Variants in TRIM24 observed in about 807,000 individuals in gnomAD.
The protein encoded by TRIM24 is transcription intermediary factor 1-alpha.
In TRIM24, 29 loss-of-function variants were observed where a neutral mutation model predicts 123.9. The observed-to-expected ratio is 0.23, with a 90% CI of 0.17 to 0.32. The LOEUF is 0.32. Ranked by LOEUF, TRIM24 falls within the 10% of genes least tolerant of loss-of-function variation. The probability of loss-of-function intolerance (pLI) is 1.00; values close to 1 mark genes in which losing one functional copy is unlikely to be tolerated. For synonymous variants in TRIM24, 456 were observed against 461.1 expected, an observed-to-expected ratio of 0.99 and a Z score of 0.14; for missense variants, 932 against 1,295.3, an observed-to-expected ratio of 0.72 and a Z score of 4.31.
chr7:138,487,831 G>A (rs1334820123), intron 1 of TRIM24, among the ~76,000 whole-genome samples: 2 of 151,692 alleles, frequency 1.3e-5, no homozygotes, highest in Non-Finnish European at 1.5e-5. Context: ...CTCTGCCAGG[G>A]TTGGCAGATT....
chr7:138,508,709 G>GTGTGTGTGC (rs1491352638), intron 2 of TRIM24, among the ~76,000 whole-genome samples: 38 of 18,012 alleles, frequency 2.1e-3, no homozygotes, highest in African/African-American at 5.8e-3. Flanking sequence ...GCGTGTGTGC[G>GTGTGTGTGC]TGTGTGTGTG....
In TRIM24 at chr7:138,518,855, C is replaced by T. The variant is rs567735530; in HGVS notation, c.632-334C>T. Reference sequence around the variant, plus strand: ...CTCCTCCCATATTTGGGATAGAAGACATCCAGGTGGTTCATACTCATTTAC... The same window carrying T: ...CTCCTCCCATATTTGGGATAGAAGATATCCAGGTGGTTCATACTCATTTAC... On this transcript the variant is annotated intron_variant, in intron 3 of 18. Transcript: ENST00000343526. Among the ~76,000 whole-genome samples the T allele has an allele frequency of 2.0e-5, 3 of 152,316 alleles. No individual in the cohort carries two copies. In the South Asian group the frequency reaches 6.2e-4, roughly 32 times the overall value.
intron 4 of TRIM24, among the ~76,000 whole-genome samples, chr7:138,520,972 G>C (rs779189646): frequency 4.6e-5 from 7 of 152,188 alleles, no homozygotes; most frequent in African/African-American, 1.7e-4. Flanking sequence ...AGAAGCTGAC[G>C]AAAGGCATTC....
chr7:138,488,166 A>G (rs1795690229), intron 1 of TRIM24, among the ~76,000 whole-genome samples: 1 of 151,612 alleles, frequency 6.6e-6, no homozygotes, highest in African/African-American at 2.4e-5. Context: ...GGTAGTTTGT[A>G]TTTCTGTGGG....
chr7:138,522,352 A>C (rs1796521867), intron 4 of TRIM24, among the ~76,000 whole-genome samples: 1 of 152,090 alleles, frequency 6.6e-6, no homozygotes, highest in South Asian at 2.1e-4. Context: ...AAAAAAAGAT[A>C]AATAAGATTG....
chr7:138,528,577 T>C (rs1420457031), intron 5 of TRIM24, among the ~76,000 whole-genome samples: 2 of 152,120 alleles, frequency 1.3e-5, no homozygotes, highest in East Asian at 3.8e-4. Context: ...AAAACATAGT[T>C]ATTTGGCTGC....
chr7:138,563,055 G>C (rs776039374), intron 9 of TRIM24, among the ~76,000 whole-genome samples: 3 of 152,168 alleles, frequency 2.0e-5, no homozygotes, highest in Non-Finnish European at 4.4e-5. Context: ...TAGTTGTATA[G>C]TTTTTGGATA....
At chr7:138,478,010 C>T (rs865851685) in intron 1 of TRIM24, among the ~76,000 whole-genome samples, 5 of 152,088 alleles carry the variant, frequency 3.3e-5, no homozygotes, top group South Asian at 2.1e-4. Flanking sequence ...ATTGATAATT[C>T]GAGAATGAAA....
chr7:138,464,130 G>A (rs776236109), intron 1 of TRIM24, among the ~76,000 whole-genome samples: 2 of 151,090 alleles, frequency 1.3e-5, no homozygotes, highest in Non-Finnish European at 2.9e-5. Flanking sequence ...GAGTAGCTGG[G>A]ACTACAGGAA....
intron 7 of TRIM24, among the ~76,000 whole-genome samples, chr7:138,544,130 A>G (rs1797056305): frequency 6.6e-6 from 1 of 152,116 alleles, no homozygotes; most frequent in Admixed American, 6.5e-5. Context: ...TTAAATCTCA[A>G]TGCTTATTCA....
intron 1 of TRIM24, among the ~76,000 whole-genome samples, chr7:138,465,421 G>A (rs1376904557): frequency 2.0e-5 from 3 of 152,164 alleles, no homozygotes; most frequent in Non-Finnish European, 4.4e-5. Flanking sequence ...TTAACGTACT[G>A]TTCAGCTAAT....
chr7:138,538,901 C>T, intron 7 of TRIM24, 98 bp downstream of exon 7: 3 of 1,100,930 alleles, frequency 2.7e-6, no homozygotes, highest in Non-Finnish European at 3.7e-6. Context: ...TGCATCAGTG[C>T]TTTTTACCTA....
chr7:138,515,668 CAA>C (rs1057126108), intron 3 of TRIM24, among the ~76,000 whole-genome samples: 26 of 152,122 alleles, frequency 1.7e-4, no homozygotes, highest in Non-Finnish European at 1.9e-4. Context: ...AAGATAACAA[CAA>C]AGAGTGGGCT....
At chr7:138,520,270 T>C (rs367685358) in intron 4 of TRIM24, among the ~76,000 whole-genome samples, 43 of 152,320 alleles carry the variant, frequency 2.8e-4, no homozygotes, top group East Asian at 3.9e-4. Context: ...TGCACTATTA[T>C]AGTAAAGATA....
At chr7:138,507,740 G>A (rs1367521560) in intron 2 of TRIM24, among the ~76,000 whole-genome samples, 1 of 152,080 alleles carries the variant, frequency 6.6e-6, no homozygotes, top group Non-Finnish European at 1.5e-5. Flanking sequence ...GTGAAACCCT[G>A]TCTGAGCGAA....
chr7:138,465,013 T>TG (rs1235278876), intron 1 of TRIM24, among the ~76,000 whole-genome samples: 1 of 152,150 alleles, frequency 6.6e-6, no homozygotes, highest in East Asian at 1.9e-4. Flanking sequence ...ATGAATTTCA[T>TG]GGGGAAAAAA....
At chr7:138,569,229 A>G (rs892717943) in intron 10 of TRIM24, among the ~76,000 whole-genome samples, 14 of 152,208 alleles carry the variant, frequency 9.2e-5, no homozygotes, top group Admixed American at 5.2e-4. Flanking sequence ...CAGTATTCAA[A>G]TGTTTACCTC....
chr7:138,493,182 G>A (rs1393828737), intron 1 of TRIM24, among the ~76,000 whole-genome samples: 1 of 152,142 alleles, frequency 6.6e-6, no homozygotes, highest in African/African-American at 2.4e-5. Flanking sequence ...ATCTCACTGA[G>A]CATATTTGAG....
intron 7 of TRIM24, among the ~76,000 whole-genome samples, chr7:138,541,871 T>C (rs1017715892): frequency 4.6e-5 from 7 of 152,262 alleles, no homozygotes; most frequent in African/African-American, 1.7e-4. Context: ...CTTCACCTTG[T>C]ACTTTTATAT....
Sources: allele counts gnomAD v4.1 joint callset (sites outside exome capture counted in the v4.1 genomes callset), GRCh38; gene constraint gnomAD v4.1.1; transcripts MANE v1.5; gene names NCBI Gene and HGNC (gene_info 2026-07-23, HGNC 2026-07-21).